GPHN: variants seen among roughly 807,000 people sequenced by gnomAD.
The protein encoded by GPHN is gephyrin.
A neutral mutation model predicts 95.5 loss-of-function variants in GPHN; 17 were observed. The observed-to-expected ratio is 0.18, with a 90% CI of 0.12 to 0.27. The LOEUF (loss-of-function observed/expected upper bound fraction) is 0.27, where lower values mean the gene tolerates loss of function less well. GPHN is among the 10% of genes least tolerant of loss of function. The pLI, the probability that GPHN is intolerant of heterozygous loss-of-function variation, is 1.00. For missense variants in GPHN, 660 were observed against 978.1 expected (o/e 0.67, Z 4.34); for synonymous variants, 320 against 322.5 (o/e 0.99, Z 0.08).
Position 66,643,099 on chromosome 14 carries a change from A to T in GPHN, c.65-38008A>T, listed in dbSNP as rs552708658. Among the ~76,000 whole-genome samples the T allele has an allele frequency of 7.9e-5, 12 of 152,206 alleles. No individual in the cohort carries two copies. The East Asian group carries it at 2.1e-3, about 27-fold the overall frequency. On this transcript the variant is annotated intron_variant, in intron 1 of 22. Coordinates refer to ENST00000478722, the MANE Select transcript of GPHN (RefSeq NM_020806.5). ...CATAACCCAATTTTAAAAATGAATA[A>T]AAGACTTGAAAAGGCACTTCACAAA... is the stretch of plus-strand genomic sequence containing the variant.
At chr14:67,465,590 A>T in the GPHN span, among the ~76,000 whole-genome samples, 1 of 152,182 alleles carries the variant, frequency 6.6e-6, no homozygotes, top group Admixed American at 6.5e-5. Context: ...AGATGACCAC[A>T]CACTGTGCTT....
intron 20 of GPHN, among the ~76,000 whole-genome samples, chr14:67,166,947 GCATGAGCCAC>G (rs1214203484): frequency 3.3e-5 from 5 of 152,156 alleles, no homozygotes; most frequent in Admixed American, 2.6e-4. Context: ...GGGATTACAG[GCATGAGCCAC>G]CATGCGCAGC....
chr14:67,354,143 G>A, the GPHN span, among the ~76,000 whole-genome samples: 1 of 152,050 alleles, frequency 6.6e-6, no homozygotes. Flanking sequence ...AGCAGAAAAT[G>A]GACTAAGACA....
At chr14:67,134,117 G>A (rs773062270) in intron 17 of GPHN, among the ~76,000 whole-genome samples, 9 of 152,192 alleles carry the variant, frequency 5.9e-5, no homozygotes, top group Non-Finnish European at 1.0e-4. Flanking sequence ...ATCTTATTCT[G>A]ATGTTAGCTA....
chr14:66,654,161 T>C (rs926166846), intron 1 of GPHN, among the ~76,000 whole-genome samples: 1 of 152,146 alleles, frequency 6.6e-6, no homozygotes, highest in Admixed American at 6.6e-5. Context: ...TTTGTTTTTG[T>C]TTTTTTGAGA....
chr14:66,687,189 T>C (rs1179533790), intron 2 of GPHN, among the ~76,000 whole-genome samples: 3 of 152,132 alleles, frequency 2.0e-5, no homozygotes, highest in African/African-American at 4.8e-5. Context: ...ACTGTCAACA[T>C]TGGACAGATC....
chr14:67,317,292 G>T, the GPHN span: 6 of 918,418 alleles, frequency 6.5e-6, no homozygotes, highest in Non-Finnish European at 9.6e-6. Flanking sequence ...TGGAGATCTC[G>T]TTTCTGCAAA....
chr14:67,259,101 C>T, the GPHN span, among the ~76,000 whole-genome samples: 2 of 151,870 alleles, frequency 1.3e-5, no homozygotes, highest in Admixed American at 1.3e-4. Context: ...CCTCGGCTTC[C>T]CAAAGTGCTG....
chr14:67,463,638 CAAAAAAAAAAAAAA>C, the GPHN span, among the ~76,000 whole-genome samples: 5 of 54,864 alleles, frequency 9.1e-5, no homozygotes, highest in South Asian at 1.8e-3. Context: ...GACTCCGTCT[CAAAAAAAAAAAAAA>C]AAAAAAAAAA....
At chr14:67,652,910 C>T in the GPHN span, among the ~76,000 whole-genome samples, 1 of 152,150 alleles carries the variant, frequency 6.6e-6, no homozygotes, top group Non-Finnish European at 1.5e-5. Context: ...TCTGTCTCAG[C>T]CTCCTGAGTA....
chr14:66,906,019 C>T (rs1463725278), intron 5 of GPHN, among the ~76,000 whole-genome samples: 2 of 149,502 alleles, frequency 1.3e-5, no homozygotes, highest in South Asian at 2.1e-4. Flanking sequence ...ACCACTTCCC[C>T]ATTTTCAGTC....
chr14:66,532,817 C>T (rs1435201197), intron 1 of GPHN, among the ~76,000 whole-genome samples: 1 of 152,178 alleles, frequency 6.6e-6, no homozygotes, highest in Non-Finnish European at 1.5e-5. Flanking sequence ...TTCCCTTCTC[C>T]ACTTTGGGAA....
At chr14:66,570,971 G>C (rs1397590834) in intron 1 of GPHN, among the ~76,000 whole-genome samples, 3 of 151,822 alleles carry the variant, frequency 2.0e-5, no homozygotes, top group African/African-American at 7.3e-5. Context: ...TTATTTTCTT[G>C]CTCTTTAGTA....
chr14:67,698,128 T>C, the GPHN span, among the ~76,000 whole-genome samples: 2 of 152,234 alleles, frequency 1.3e-5, no homozygotes, highest in African/African-American at 4.8e-5. Context: ...CACCAAGTTG[T>C]ATGCAGGGTC....
At chr14:67,351,138 C>T in the GPHN span, among the ~76,000 whole-genome samples, 1 of 151,928 alleles carries the variant, frequency 6.6e-6, no homozygotes, top group East Asian at 1.9e-4. Flanking sequence ...AGTTGCCTTC[C>T]CAAGTATTAA....
intron 2 of GPHN, among the ~76,000 whole-genome samples, chr14:66,687,947 T>C (rs1262034010): frequency 1.3e-5 from 2 of 152,172 alleles, no homozygotes; most frequent in Non-Finnish European, 2.9e-5. Flanking sequence ...ACAGTATGAG[T>C]ATTTGGTGTA....
At chr14:67,645,017 T>A in the GPHN span, among the ~76,000 whole-genome samples, 19 of 123,616 alleles carry the variant, frequency 1.5e-4, no homozygotes, top group Admixed American at 9.3e-5. Flanking sequence ...AAAAAAAAAT[T>A]GAATGCCATG....
At chr14:67,045,656 T>TCC (rs2074975561) in intron 10 of GPHN, among the ~76,000 whole-genome samples, 1 of 150,454 alleles carries the variant, frequency 6.6e-6, no homozygotes, top group Non-Finnish European at 1.5e-5. Context: ...TGCCTCTGTC[T>TCC]CTCTCTCTCT....
At chr14:67,099,547 C>A (rs1208644539) in intron 12 of GPHN, among the ~76,000 whole-genome samples, 18 of 141,366 alleles carry the variant, frequency 1.3e-4, no homozygotes, top group African/African-American at 2.0e-4. Context: ...TAACAGGATT[C>A]AAAAAAAAAA....
Sources: allele counts gnomAD v4.1 joint callset (sites outside exome capture counted in the v4.1 genomes callset), GRCh38; gene constraint gnomAD v4.1.1; transcripts MANE v1.5; gene names NCBI Gene and HGNC (gene_info 2026-07-23, HGNC 2026-07-21).